Variants in BOC observed in about 807,000 individuals in gnomAD.
The protein encoded by BOC is BOC cell adhesion associated, oncogene regulated.
In BOC, 76 loss-of-function variants were observed where a neutral mutation model predicts 112.0. The observed-to-expected ratio is 0.68, with a 90% CI of 0.56 to 0.82. The LOEUF (loss-of-function observed/expected upper bound fraction) is 0.82, where lower values mean the gene tolerates loss of function less well. Among genes scored for constraint, BOC ranks in the 40% least tolerant of loss-of-function variants. The pLI is 0.00. For missense variants in BOC, 1,309 were observed against 1,511.7 expected, an observed-to-expected ratio of 0.87 and a Z score of 2.22; for synonymous variants, 580 against 599.8, an observed-to-expected ratio of 0.97 and a Z score of 0.48.
At chr3:113,254,200 C>T (rs1031713359) in intron 4 of BOC, among the ~76,000 whole-genome samples, 1 of 152,190 alleles carries the variant, frequency 6.6e-6, no homozygotes. Context: ...GGGGCTTGTG[C>T]AGAAGCCGAG....
rs1055447218 is a variant in BOC at position 113,269,623 on chromosome 3, A to G, written c.523+1178A>G. The G allele has an allele frequency of 2.6e-5, 4 of 152,306 alleles. No individual in the cohort carries two copies. In the East Asian group the frequency reaches 7.7e-4, roughly 29 times the overall value. The allele number at this position is 152,306 out of a possible 1,614,324, so 9.4% of individuals were successfully genotyped here. A position where few individuals can be genotyped will look rare whatever the true frequency, so the allele number is the denominator to read the frequency against. ...CTGGTTATGAAAGGAACATATGTTC[A>G]TTATAGAAAACTTAGAGAATACAGA... is the stretch of plus-strand genomic sequence containing the variant. On this transcript the variant is annotated intron_variant, in intron 5 of 19. Coordinates refer to ENST00000682979, the MANE Select transcript of BOC (RefSeq NM_001378074.1).
At chr3:113,271,214 G>C in intron 6 of BOC, 3 of 627,668 alleles carry the variant, frequency 4.8e-6, no homozygotes, top group Non-Finnish European at 8.9e-6. Context: ...GTTACTTTGC[G>C]ATTGGGATGG....
intron 4 of BOC, among the ~76,000 whole-genome samples, chr3:113,261,101 C>G (rs1946825092): frequency 6.6e-6 from 1 of 152,132 alleles, no homozygotes; most frequent in African/African-American, 2.4e-5. Flanking sequence ...AAGCAGGCCC[C>G]ACTGCCCCGT....
At chr3:113,270,668 A>G in intron 5 of BOC, 133 bp from the exon 6 acceptor site, 1 of 973,470 alleles carries the variant, frequency 1.0e-6, no homozygotes, top group Non-Finnish European at 1.5e-6. Flanking sequence ...TCTTGTGGGG[A>G]CTCAGGTGGA....
At chr3:113,251,081 C>A in intron 4 of BOC, 1 of 604,088 alleles carries the variant, frequency 1.7e-6, no homozygotes, top group Admixed American at 3.0e-5. Context: ...GGGAATTGGT[C>A]AGTGCATGGC....
At chr3:113,259,049 C>CA (rs1194872980) in intron 4 of BOC, among the ~76,000 whole-genome samples, 1 of 152,214 alleles carries the variant, frequency 6.6e-6, no homozygotes, top group Admixed American at 6.5e-5. Context: ...GCATTGGCTA[C>CA]ACTAGTCCTA....
intron 4 of BOC, among the ~76,000 whole-genome samples, chr3:113,259,347 G>A (rs562418393): frequency 6.6e-6 from 1 of 152,348 alleles, no homozygotes; most frequent in African/African-American, 2.4e-5. Context: ...GAAGGGCTGT[G>A]TAGTATGTTG....
chr3:113,275,434 C>T (rs946660465), intron 9 of BOC, among the ~76,000 whole-genome samples: 2 of 152,220 alleles, frequency 1.3e-5, no homozygotes, highest in Non-Finnish European at 2.9e-5. Flanking sequence ...CCGCCACTCT[C>T]GCTCAAGGCC....
chr3:113,226,449 T>C (rs184008281), intron 2 of BOC, among the ~76,000 whole-genome samples: 1 of 152,304 alleles, frequency 6.6e-6, no homozygotes, highest in African/African-American at 2.4e-5. Context: ...CCATTCCATG[T>C]CCCTCTCCAG....
At chr3:113,216,023 G>A (rs143016104) in intron 1 of BOC, among the ~76,000 whole-genome samples, 164 bp from the exon 2 acceptor site, 104 of 152,288 alleles carry the variant, frequency 6.8e-4, no homozygotes, top group Middle Eastern at 3.4e-3. Flanking sequence ...TGGACATTTC[G>A]GGAGGCCTAT....
At chr3:113,218,873 C>T (rs1348183112) in intron 2 of BOC, among the ~76,000 whole-genome samples, 1 of 152,134 alleles carries the variant, frequency 6.6e-6, no homozygotes, top group Non-Finnish European at 1.5e-5. Context: ...ACTGGGTGGT[C>T]TTCAACAATG....
At chr3:113,273,405 A>T (rs1948351473) in intron 8 of BOC, 64 bp downstream of exon 8, 14 of 1,488,388 alleles carry the variant, frequency 9.4e-6, no homozygotes, top group Non-Finnish European at 1.2e-5. Flanking sequence ...TCTCAAATGA[A>T]ATCTAACTTG....
intron 2 of BOC, among the ~76,000 whole-genome samples, chr3:113,225,271 C>CA (rs369675040): frequency 0.014 from 1,623 of 120,050 alleles, 11 homozygotes; most frequent in Middle Eastern, 0.063. Flanking sequence ...AAGACCTTGT[C>CA]AAAAAAAAAA....
chr3:113,260,109 A>G (rs1443655880), intron 4 of BOC, among the ~76,000 whole-genome samples: 3 of 152,130 alleles, frequency 2.0e-5, no homozygotes, highest in African/African-American at 7.2e-5. Flanking sequence ...GGAGGGTAGG[A>G]ACTGTTATTA....
intron 8 of BOC, among the ~76,000 whole-genome samples, chr3:113,273,993 G>A (rs1249850886): frequency 6.6e-6 from 1 of 152,220 alleles, no homozygotes; most frequent in East Asian, 1.9e-4. Context: ...GTGCCGTGGT[G>A]TTAAAATTCC....
chr3:113,211,342 CG>C (rs1007675034), upstream of BOC: 20 of 152,218 alleles, frequency 1.3e-4, no homozygotes, highest in African/African-American at 4.8e-4. Context: ...GAGGAGAGCG[CG>C]GGTCTGAGGC....
At chr3:113,230,426 A>G (rs1942425793) in intron 2 of BOC, among the ~76,000 whole-genome samples, 1 of 152,160 alleles carries the variant, frequency 6.6e-6, no homozygotes, top group African/African-American at 2.4e-5. Context: ...TTGTTGTATA[A>G]CTGCTTTAAG....
intron 4 of BOC, among the ~76,000 whole-genome samples, chr3:113,262,141 C>T (rs1419658267): frequency 1.3e-5 from 2 of 152,086 alleles, no homozygotes; most frequent in African/African-American, 4.8e-5. Flanking sequence ...ATTGGACAGG[C>T]AGAAAAAAAT....
intron 2 of BOC, among the ~76,000 whole-genome samples, chr3:113,241,486 C>A (rs74867424): frequency 0.025 from 3,747 of 152,216 alleles, 156 homozygotes; most frequent in African/African-American, 0.086. Context: ...CCATGGCAGT[C>A]CTCACACCTA....
Sources: allele counts gnomAD v4.1 joint callset (sites outside exome capture counted in the v4.1 genomes callset), GRCh38; gene constraint gnomAD v4.1.1; transcripts MANE v1.5; gene names NCBI Gene and HGNC (gene_info 2026-07-23, HGNC 2026-07-21).